SLC9B1: variants seen among roughly 807,000 people sequenced by gnomAD.
The protein encoded by SLC9B1 is sodium/hydrogen exchanger 9B1.
In SLC9B1, 32 loss-of-function variants were observed where a neutral mutation model predicts 51.7. The ratio of observed to expected loss-of-function variants is 0.62; its 90% CI spans 0.47 to 0.83. SLC9B1 has a LOEUF of 0.83. SLC9B1 is among the 40% of genes least tolerant of loss of function. The pLI is 0.00. For synonymous variants in SLC9B1, 145 were observed against 212.7 expected, an observed-to-expected ratio of 0.68 and a Z score of 2.77; for missense variants, 406 against 613.2, an observed-to-expected ratio of 0.66 and a Z score of 3.57.
chr4:102,971,284 C>T (rs1163064873), intron 3 of SLC9B1, among the ~76,000 whole-genome samples: 2 of 152,192 alleles, frequency 1.3e-5, no homozygotes, highest in South Asian at 2.1e-4. Context: ...TCACAACAAA[C>T]TGTCTCCCAG....
chr4:102,973,103 T>C (rs1301818073), intron 3 of SLC9B1, among the ~76,000 whole-genome samples: 2 of 152,098 alleles, frequency 1.3e-5, no homozygotes, highest in African/African-American at 2.4e-5. Context: ...CAGAAATAAA[T>C]ATAAATTTAT....
At chr4:102,900,261 T>C (rs1315790096), downstream of SLC9B1, among the ~76,000 whole-genome samples, 5 of 152,214 alleles carry the variant, frequency 3.3e-5, no homozygotes, top group Admixed American at 3.3e-4. Context: ...GTCTTGAAGT[T>C]AATTAAAACT....
At chr4:102,959,855 A>C (rs1214839918) in intron 3 of SLC9B1, among the ~76,000 whole-genome samples, 1 of 152,204 alleles carries the variant, frequency 6.6e-6, no homozygotes, top group Non-Finnish European at 1.5e-5. Flanking sequence ...TCAAATAGGA[A>C]ATTAAAAACA....
At chr4:102,956,923 A>G (rs1309589540) in intron 3 of SLC9B1, among the ~76,000 whole-genome samples, 2 of 152,184 alleles carry the variant, frequency 1.3e-5, no homozygotes, top group East Asian at 3.8e-4. Flanking sequence ...TATTATAAAT[A>G]TGTTCAAATT....
intron 1 of SLC9B1, among the ~76,000 whole-genome samples, chr4:102,996,464 T>C (rs1740222457): frequency 6.6e-6 from 1 of 152,210 alleles, no homozygotes; most frequent in African/African-American, 2.4e-5. Flanking sequence ...TGTAGGAGAA[T>C]GTTTATTCTC....
chr4:102,967,533 C>T (rs1738495703), intron 3 of SLC9B1, among the ~76,000 whole-genome samples: 1 of 152,074 alleles, frequency 6.6e-6, no homozygotes, highest in African/African-American at 2.4e-5. Context: ...TATGGTAGAA[C>T]AAGGTCAAAG....
At chr4:102,941,548 G>A in intron 6 of SLC9B1, 1 of 449,892 alleles carries the variant, frequency 2.2e-6, no homozygotes, top group South Asian at 1.6e-5. Context: ...GCTGAGGCAT[G>A]AGAATTGCTT....
intron 6 of SLC9B1, among the ~76,000 whole-genome samples, chr4:102,941,204 C>T (rs1736977765): frequency 6.6e-6 from 1 of 152,080 alleles, no homozygotes; most frequent in Non-Finnish European, 1.5e-5. Context: ...AAATCATCAA[C>T]AAACCACCTA....
chr4:102,918,984 T>G (rs1481689674), intron 7 of SLC9B1, among the ~76,000 whole-genome samples: 1 of 152,228 alleles, frequency 6.6e-6, no homozygotes, highest in Non-Finnish European at 1.5e-5. Flanking sequence ...AGCAATAGCC[T>G]GAGCTGTATG....
chr4:102,983,153 A>G (rs531752507), intron 3 of SLC9B1, among the ~76,000 whole-genome samples: 1 of 151,952 alleles, frequency 6.6e-6, no homozygotes, highest in Non-Finnish European at 1.5e-5. Flanking sequence ...TGATCATGTG[A>G]TTTTTCTTCC....
chr4:102,922,830 C>G (rs1204983531), intron 7 of SLC9B1, among the ~76,000 whole-genome samples: 1 of 152,138 alleles, frequency 6.6e-6, no homozygotes, highest in Non-Finnish European at 1.5e-5. Context: ...TTCTGGGACA[C>G]ATACACCCTT....
At chr4:102,997,379 A>G (rs900996861) in intron 1 of SLC9B1, among the ~76,000 whole-genome samples, 1 of 152,214 alleles carries the variant, frequency 6.6e-6, no homozygotes, top group African/African-American at 2.4e-5. Context: ...TTCAATGTAC[A>G]GAACAGTATG....
chr4:102,968,389 C>G (rs1481858882), intron 3 of SLC9B1, among the ~76,000 whole-genome samples: 1 of 152,042 alleles, frequency 6.6e-6, no homozygotes, highest in Non-Finnish European at 1.5e-5. Context: ...TATAAAACTT[C>G]TAGGAAAAAA....
At position 102,932,226 on chromosome 4, in the gene SLC9B1, C is replaced by G; in HGVS notation, c.727G>C (p.Val243Leu). The G allele has an allele frequency of 6.2e-7, 1 of 1,611,908 alleles. No homozygotes were observed. The highest frequency in any genetic ancestry group is 1.1e-5 in the South Asian group (1 of 90,986). The change falls in exon 7 of 12, where the codon GTT (valine) becomes CTT (leucine). Residue 243 changes from valine to leucine, a missense_variant. Val to Leu is a conservative substitution (Grantham distance 32). Around this residue, in one of 6 missense-constraint regions of SLC9B1, gnomAD observed 250 missense variants for 394.1 expected, o/e 0.63. Coordinates refer to ENST00000296422, the MANE Select transcript of SLC9B1 (RefSeq NM_139173.4). ...AATAAGGTTGGAATGCCTTCCTCAA[C>G]ACCATATCCATTTTCTTGCAGCACC... Reference protein sequence around the residue: ...MMVLQENGYGVEEGIPTLLMA... With the variant: ...MMVLQENGYGLEEGIPTLLMA...
intron 6 of SLC9B1, among the ~76,000 whole-genome samples, chr4:102,944,096 G>A (rs1376685743): frequency 6.6e-6 from 1 of 152,140 alleles, no homozygotes; most frequent in Non-Finnish European, 1.5e-5. Context: ...GGATGGAGTT[G>A]AGGCCATTAT....
At chr4:102,951,373 C>T (rs923348468) in intron 3 of SLC9B1, among the ~76,000 whole-genome samples, 1 of 151,916 alleles carries the variant, frequency 6.6e-6, no homozygotes, top group African/African-American at 2.4e-5. Flanking sequence ...AAGAAATATC[C>T]CATGAGCAAA....
At chr4:102,904,285 C>A (rs1768227510) in intron 11 of SLC9B1, among the ~76,000 whole-genome samples, 1 of 151,918 alleles carries the variant, frequency 6.6e-6, no homozygotes, top group Admixed American at 6.6e-5. Flanking sequence ...GTCTTGAACT[C>A]CTGAGCTCAA....
At chr4:102,969,957 G>A (rs763460640) in intron 3 of SLC9B1, among the ~76,000 whole-genome samples, 23 of 151,966 alleles carry the variant, frequency 1.5e-4, no homozygotes, top group Admixed American at 7.9e-4. Context: ...AAAAAAAAAC[G>A]AACAAAGCCT....
chr4:102,925,510 C>T (rs959537283), intron 7 of SLC9B1, among the ~76,000 whole-genome samples: 16 of 151,936 alleles, frequency 1.1e-4, no homozygotes, highest in African/African-American at 3.9e-4. Context: ...ATGTAACAAA[C>T]CTGCATGTTG....
Sources: gnomAD v4.1 joint callset for allele counts (sites outside exome capture counted in the v4.1 genomes callset) on GRCh38, gnomAD v4.1.1 for gene constraint, gnomAD v4.1.1 regional missense constraint, MANE v1.5 for transcripts, NCBI Gene and HGNC (gene_info 2026-07-23, HGNC 2026-07-21) for gene names.